Variants in PKHD1 observed in about 807,000 individuals in gnomAD.
The protein encoded by PKHD1 is fibrocystin.
In PKHD1, 291 loss-of-function variants were observed where a neutral mutation model predicts 412.0. The ratio of observed to expected loss-of-function variants is 0.71; its 90% CI spans 0.64 to 0.78. The LOEUF is 0.78. PKHD1 is among the 30% of genes least tolerant of loss of function. The pLI, the probability that PKHD1 is intolerant of heterozygous loss-of-function variation, is 0.00. For missense variants in PKHD1, 4,825 were observed against 4,950.7 expected (o/e 0.97, Z 0.76); for synonymous variants, 1,777 against 1,821.5 (o/e 0.98, Z 0.62).
chr6:52,082,447 G>A lies in PKHD1; in HGVS notation c.226C>T (p.Pro76Ser). The A allele has an allele frequency of 1.2e-6, 2 of 1,614,080 alleles. No individual in the cohort carries two copies. The highest frequency in any genetic ancestry group is 8.5e-7 in the Non-Finnish European group (1 of 1,179,980). Residue 76 changes from proline (P) to serine (S), a missense_variant, in exon 4 of 67, where the codon CCC becomes TCC. Transcript: ENST00000371117. ...AAGAAAACAGGAAAGACGTCACAGGGAACACTCCGCAGTGCGGGCACCACC... is the reference window on the plus strand; with the variant it reads ...AAGAAAACAGGAAAGACGTCACAGGAAACACTCCGCAGTGCGGGCACCACC... Reference protein sequence around the residue: ...NMVVPALRSVPCDVFPVFLDL... With the variant: ...NMVVPALRSVSCDVFPVFLDL...
chr6:52,031,877 A>G (rs1429001468), intron 29 of PKHD1, among the ~76,000 whole-genome samples: 2 of 152,226 alleles, frequency 1.3e-5, no homozygotes, highest in Non-Finnish European at 2.9e-5. Flanking sequence ...TGTATCAACA[A>G]CATAACTTTT....
chr6:52,079,038 A>G (rs1380287147), intron 5 of PKHD1, among the ~76,000 whole-genome samples: 3 of 152,240 alleles, frequency 2.0e-5, no homozygotes, highest in African/African-American at 4.8e-5. Flanking sequence ...AGGAGCATTC[A>G]TTAGTGACTG....
intron 53 of PKHD1, among the ~76,000 whole-genome samples, chr6:51,777,676 T>TG (rs1395424157): frequency 4.5e-4 from 50 of 112,294 alleles, no homozygotes; most frequent in Middle Eastern, 5.9e-3. Context: ...TTAGAGTCTT[T>TG]GGGAAAAAAA....
intron 37 of PKHD1, among the ~76,000 whole-genome samples, chr6:51,927,640 G>T (rs1024370086): frequency 5.3e-5 from 8 of 152,290 alleles, no homozygotes; most frequent in South Asian, 2.1e-4. Flanking sequence ...CCTGTAAGAA[G>T]GGGAGACTGG....
intron 55 of PKHD1, among the ~76,000 whole-genome samples, chr6:51,758,013 AAAGAGAGAGAGAG>A (rs144965849): frequency 0.065 from 6,489 of 99,538 alleles, 207 homozygotes; most frequent in Middle Eastern, 0.13. Flanking sequence ...GACCCTGCCA[AAAGAGAGAGAGAG>A]AGAGAGAGAG....
chr6:52,041,070 T>C (rs1039217834), intron 27 of PKHD1, among the ~76,000 whole-genome samples: 13 of 152,180 alleles, frequency 8.5e-5, no homozygotes, highest in African/African-American at 3.1e-4. Flanking sequence ...AAGAAGACAA[T>C]GCTATCTCAG....
At chr6:51,977,608 G>A (rs536020677) in intron 35 of PKHD1, among the ~76,000 whole-genome samples, 6 of 152,326 alleles carry the variant, frequency 3.9e-5, no homozygotes, top group African/African-American at 1.2e-4. Context: ...ACATACTGCT[G>A]TAGTCCTTAC....
chr6:51,848,942 A>G (rs1309581808), intron 49 of PKHD1, among the ~76,000 whole-genome samples: 1 of 146,430 alleles, frequency 6.8e-6, no homozygotes, highest in Admixed American at 6.8e-5. Flanking sequence ...TTCTTCTGAA[A>G]AAAAAAAAAA....
chr6:51,647,975 T>G (rs563433327), intron 63 of PKHD1, 56 bp downstream of exon 63: 1 of 1,025,140 alleles, frequency 9.8e-7, no homozygotes, highest in East Asian at 2.4e-5. Flanking sequence ...CTGCAAACAT[T>G]TTCTGTGCAG....
At chr6:51,694,930 T>C (rs1199837710) in intron 60 of PKHD1, among the ~76,000 whole-genome samples, 3 of 101,636 alleles carry the variant, frequency 3.0e-5, no homozygotes, top group Non-Finnish European at 6.0e-5. Context: ...TTATGGTTTC[T>C]TCCAATGGCA....
At chr6:51,911,393 G>T (rs1782919108) in intron 39 of PKHD1, among the ~76,000 whole-genome samples, 1 of 152,094 alleles carries the variant, frequency 6.6e-6, no homozygotes, top group Non-Finnish European at 1.5e-5. Flanking sequence ...GGGGATGGGG[G>T]AGCCCTACAA....
chr6:51,697,414 T>C (rs951767696), intron 60 of PKHD1, among the ~76,000 whole-genome samples: 1 of 152,242 alleles, frequency 6.6e-6, no homozygotes, highest in Non-Finnish European at 1.5e-5. Context: ...GCACCTACCA[T>C]GTTCAAAGTA....
chr6:52,085,489 C>T (rs996163014), intron 1 of PKHD1, among the ~76,000 whole-genome samples: 4 of 152,094 alleles, frequency 2.6e-5, no homozygotes, highest in Non-Finnish European at 5.9e-5. Context: ...CTGGTCCCTT[C>T]CTGGATGCCC....
chr6:51,641,122 A>G (rs1317864369), intron 63 of PKHD1, among the ~76,000 whole-genome samples: 1 of 152,208 alleles, frequency 6.6e-6, no homozygotes, highest in Non-Finnish European at 1.5e-5. Context: ...TCAATCACAT[A>G]AAATAGGGTA....
Position 52,024,927 on chromosome 6 carries a change from G to A in PKHD1, c.4883C>T (p.Pro1628Leu). 1.2e-6 allele frequency: 2 copies of A among 1,614,128 alleles called. No homozygotes were observed. Among genetic ancestry groups the A allele is most frequent in the Non-Finnish European group, 1.7e-6 (2 of 1,180,028 alleles). ...CAGGGCAACAGAGCCATTCCCTGTG[G>A]GAACAATGCACCGGATGAGCTCAGC... ...IGAELIRCIVPTGNGSVALEI... is the reference protein window; with the variant it reads ...IGAELIRCIVLTGNGSVALEI... The change falls in exon 32 of 67, where the codon CCC becomes CTC. Residue 1628 changes from proline to leucine, a missense_variant. Coordinates refer to ENST00000371117, the MANE Select transcript of PKHD1 (RefSeq NM_138694.4).
chr6:51,790,132 G>A (rs1233599278), intron 53 of PKHD1, among the ~76,000 whole-genome samples: 1 of 152,072 alleles, frequency 6.6e-6, no homozygotes, highest in African/African-American at 2.4e-5. Context: ...TACCTAACAA[G>A]GATATCTAAA....
chr6:51,764,804 C>G (rs1007913514), intron 55 of PKHD1, among the ~76,000 whole-genome samples: 7 of 152,016 alleles, frequency 4.6e-5, no homozygotes, highest in East Asian at 3.9e-4. Flanking sequence ...TCTTTCAGAC[C>G]CTCATGTTCT....
At chr6:52,045,891 C>G in intron 24 of PKHD1, 113 bp downstream of exon 24, 1 of 784,112 alleles carries the variant, frequency 1.3e-6, no homozygotes, top group Non-Finnish European at 2.2e-6. Context: ...CTCAAATATT[C>G]CAACAAAATT....
chr6:51,690,141 A>G (rs978931187), intron 60 of PKHD1, among the ~76,000 whole-genome samples: 2 of 151,856 alleles, frequency 1.3e-5, no homozygotes, highest in Non-Finnish European at 1.5e-5. Context: ...GCATGGTGGC[A>G]TGCACCTGTA....
Sources: allele counts gnomAD v4.1 joint callset (sites outside exome capture counted in the v4.1 genomes callset), GRCh38; gene constraint gnomAD v4.1.1; transcripts MANE v1.5; gene names NCBI Gene and HGNC (gene_info 2026-07-23, HGNC 2026-07-21).